Variants in PIGG observed in about 807,000 individuals in gnomAD.
PIGG encodes the protein GPI ethanolamine phosphate transferase 2, catalytic subunit.
In PIGG, 70 loss-of-function variants were observed where a neutral mutation model predicts 83.2. The ratio of observed to expected loss-of-function variants is 0.84; its 90% CI spans 0.69 to 1.03. PIGG has a LOEUF of 1.03. Among genes scored for constraint, PIGG ranks in the 50% least tolerant of loss-of-function variants. The pLI, the probability that PIGG is intolerant of heterozygous loss-of-function variation, is 0.00. For missense variants in PIGG, 1,257 were observed against 1,233.6 expected, an observed-to-expected ratio of 1.02 and a Z score of -0.28; for synonymous variants, 532 against 519.5, an observed-to-expected ratio of 1.02 and a Z score of -0.33.
In PIGG at chr4:500,479, T is replaced by C. The variant is rs1553875098; in HGVS notation, c.238T>C (p.Phe80Leu). 1 of 1,613,500 alleles carries C rather than the reference T, an allele frequency of 6.2e-7. No individual in the cohort carries two copies. Among genetic ancestry groups the C allele is most frequent in the Admixed American group, 1.7e-5 (1 of 60,010 alleles). The stretch of plus-strand genomic sequence containing the variant: ...TCTGATAGATGCCTTGAGAGATGAT[T>C]TTGTGTTTGGGTCAAAGGGTGTGAA... ...IVLIDALRDDFVFGSKGVKFM... is the reference protein window; with the variant it reads ...IVLIDALRDDLVFGSKGVKFM... Residue 80 changes from phenylalanine to leucine, a missense_variant, in exon 2 of 13, where the codon TTT (phenylalanine) becomes CTT (leucine). Coordinates refer to ENST00000453061, the MANE Select transcript of PIGG (RefSeq NM_001127178.3).
chr4:537,431 T>C (rs36043622), intron 12 of PIGG: 29,641 of 152,194 alleles, frequency 0.19, 3,589 homozygotes, highest in African/African-American at 0.35. Context: ...AGCTTCCCCA[T>C]GCGCTGTCTG....
Position 539,142 on chromosome 4 carries a change from C to CTTA in PIGG, c.2736-7_2736-5dup, listed in dbSNP as rs1560394575. On this transcript the variant is annotated splice_polypyrimidine_tract_variant and intron_variant, in intron 12 of 12. Transcript: ENST00000453061. ...GCATGTGCTAATACACATTTTCTTT[C>CTTA]TTATTAACAGTGGTTCAGCACTGAG... 5 of 1,574,542 alleles carry CTTA rather than the reference C, an allele frequency of 3.2e-6. No homozygotes were observed. The highest frequency in any genetic ancestry group is 4.4e-6 in the Non-Finnish European group (5 of 1,145,650).
chr4:513,817 A>G (rs1723005859), intron 5 of PIGG, among the ~76,000 whole-genome samples: 2 of 152,292 alleles, frequency 1.3e-5, no homozygotes, highest in South Asian at 4.1e-4. Context: ...ACAGTTATTA[A>G]AATAGTTTGT....
chr4:511,602 C>T (rs60193843), intron 5 of PIGG, among the ~76,000 whole-genome samples: 21,241 of 152,178 alleles, frequency 0.14, 2,152 homozygotes, highest in African/African-American at 0.28. Context: ...GTGATATAGA[C>T]ATGGTTTTAT....
At chr4:534,338 G>A (rs952683794) in intron 12 of PIGG, among the ~76,000 whole-genome samples, 3 of 152,242 alleles carry the variant, frequency 2.0e-5, no homozygotes, top group Non-Finnish European at 4.4e-5. Flanking sequence ...CCAGATGGAG[G>A]GCGGGTCGTC....
chr4:519,058 T>G (rs1365418022), intron 6 of PIGG, among the ~76,000 whole-genome samples: 1 of 152,202 alleles, frequency 6.6e-6, no homozygotes, highest in African/African-American at 2.4e-5. Flanking sequence ...CATTTCAGCG[T>G]AAACATCAGA....
chr4:508,617 A>G (rs544192326), intron 4 of PIGG, among the ~76,000 whole-genome samples: 2 of 152,236 alleles, frequency 1.3e-5, no homozygotes, highest in African/African-American at 4.8e-5. Context: ...GCTGTGCTCC[A>G]TGAGCTGTGT....
At chr4:507,018 T>TG (rs1172671080) in intron 3 of PIGG, among the ~76,000 whole-genome samples, 1 of 152,250 alleles carries the variant, frequency 6.6e-6, no homozygotes, top group Non-Finnish European at 1.5e-5. Context: ...GAAGAACCCT[T>TG]GCTCATTTAA....
intron 9 of PIGG, among the ~76,000 whole-genome samples, chr4:526,040 A>AGCCACCC (rs1174821152): frequency 6.6e-6 from 1 of 152,026 alleles, no homozygotes; most frequent in Non-Finnish European, 1.5e-5. Flanking sequence ...CACATGCAAG[A>AGCCACCC]GCCACCCCCA....
intron 12 of PIGG, among the ~76,000 whole-genome samples, chr4:535,482 C>T (rs1419013328): frequency 6.6e-6 from 1 of 152,248 alleles, no homozygotes; most frequent in Non-Finnish European, 1.5e-5. Context: ...CTGGACCAGC[C>T]TCCCGCACTT....
intron 8 of PIGG, 117 bp from the exon 9 acceptor site, chr4:523,342 G>C: frequency 1.3e-6 from 1 of 770,682 alleles, no homozygotes; most frequent in African/African-American, 1.7e-5. Context: ...GGTGCTGGGT[G>C]TGAGGAACAA....
chr4:518,579 C>G (rs971623720), intron 6 of PIGG, among the ~76,000 whole-genome samples: 1 of 152,078 alleles, frequency 6.6e-6, no homozygotes, highest in Non-Finnish European at 1.5e-5. Context: ...GGTGACAGAG[C>G]GAGACTCCAT....
At position 521,757 on chromosome 4, in the gene PIGG, A is replaced by C. The variant is rs924055055; in HGVS notation, c.1430A>C (p.Tyr477Ser). The C allele has an allele frequency of 2.5e-6, 4 of 1,613,940 alleles. No homozygotes were observed. The highest frequency in any genetic ancestry group is 3.4e-6 in the Non-Finnish European group (4 of 1,179,990). ...TCTCCTGGGTTTTCTCTGCTCTTTT[A>C]TTTGGTGATCCTGGTTCTTTCGGCC... is the stretch of plus-strand genomic sequence containing the variant. ...LSSPGFSLLF[Y>S]LVILVLSAVH... Residue 477 changes from tyrosine to serine, a missense_variant, in exon 8 of 13, where the codon TAT (tyrosine) becomes TCT (serine). Physicochemically the swap from Tyr to Ser is moderately radical, Grantham distance 144 (BLOSUM62 -2). Coordinates refer to ENST00000453061, the MANE Select transcript of PIGG (RefSeq NM_001127178.3).
In PIGG at chr4:507,696, C is replaced by G. The variant is rs782475602; in HGVS notation, c.759+103C>G. 3.3e-4 allele frequency: 326 copies of G among 986,996 alleles called. 1 individual carries two copies. The highest frequency in any genetic ancestry group is 4.6e-4 in the Non-Finnish European group (306 of 666,514). 61.1% of individuals were successfully genotyped at this position (986,996 alleles called of 1,614,324 possible). ...TTATTCAGGGTGCCTGTGTGAATGTCCACCATCAGTCTGCTAGCCAGGGGC... is the reference window on the plus strand; with the variant it reads ...TTATTCAGGGTGCCTGTGTGAATGTGCACCATCAGTCTGCTAGCCAGGGGC... On this transcript the variant is annotated intron_variant, in intron 4 of 12. Coordinates refer to ENST00000453061, the MANE Select transcript of PIGG (RefSeq NM_001127178.3).
In PIGG at chr4:507,570, A is replaced by T. The variant is rs1553880399; in HGVS notation, c.736A>T (p.Ile246Phe). The change falls in exon 4 of 13, where the codon ATC (isoleucine) becomes TTC (phenylalanine). Residue 246 changes from isoleucine to phenylalanine, a missense_variant. Physicochemically the swap from Ile to Phe is conservative, Grantham distance 21. Transcript: ENST00000453061. Reference sequence around the variant, plus strand: ...CGAGATGGACAGCGTGCTGATGAAGATCCACACCTCACTGCAGTCGAAGGT... The same window carrying T: ...CGAGATGGACAGCGTGCTGATGAAGTTCCACACCTCACTGCAGTCGAAGGT... ...LSEMDSVLMK[I>F]HTSLQSKERE... The T allele has an allele frequency of 6.2e-7, 1 of 1,613,532 alleles. No individual in the cohort carries two copies.
intron 6 of PIGG, among the ~76,000 whole-genome samples, chr4:520,593 G>C (rs1725522583): frequency 6.6e-6 from 1 of 152,256 alleles, no homozygotes; most frequent in African/African-American, 2.4e-5. Flanking sequence ...AGAAGGGTCA[G>C]GCCGCTGCCT....
chr4:512,989 G>C (rs1018158456), intron 5 of PIGG, among the ~76,000 whole-genome samples: 1 of 152,176 alleles, frequency 6.6e-6, no homozygotes, highest in Non-Finnish European at 1.5e-5. Flanking sequence ...GGGAAAGGGA[G>C]CTCTGTGTTC....
chr4:514,666 G>A (rs1039095633), intron 5 of PIGG, among the ~76,000 whole-genome samples: 8 of 152,116 alleles, frequency 5.3e-5, no homozygotes, highest in Non-Finnish European at 7.3e-5. Context: ...TGTTTGTATC[G>A]ATTCACCTTC....
rs1278467433 is a variant in PIGG, at chr4:515,188, T to A, written c.902-785T>A. ...CTGAGTAGCCGTCCCTGTGGCCTCT[T>A]GGCGCCCTGCCGGTGTACGTTGAAT... On this transcript the variant is annotated intron_variant, in intron 5 of 12. Coordinates refer to ENST00000453061, the MANE Select transcript of PIGG (RefSeq NM_001127178.3). This position sits in a 1 kb window ranked among gnomAD's most constrained non-coding sequence, Gnocchi z 4.2. 6.6e-6 allele frequency among the ~76,000 whole-genome samples: 1 copy of A among 152,260 alleles called. No homozygotes were observed. Among genetic ancestry groups the A allele is most frequent in the Admixed American group, 6.5e-5 (1 of 15,294 alleles).
Sources: gnomAD v4.1 joint callset for allele counts (sites outside exome capture counted in the v4.1 genomes callset) on GRCh38, gnomAD v4.1.1 for gene constraint, Gnocchi (gnomAD v3.1) non-coding constraint, MANE v1.5 for transcripts, NCBI Gene and HGNC (gene_info 2026-07-23, HGNC 2026-07-21) for gene names.